The following TREM1 variants were observed in gnomAD, a reference collection of about 807,000 sequenced individuals.
TREM1 encodes the protein triggering receptor expressed on monocytes 1.
Under a neutral mutation model 22.4 loss-of-function variants are expected in TREM1, and 16 were observed. That is an observed-to-expected ratio of 0.71 (90% CI 0.48 to 1.08). TREM1 has a LOEUF of 1.08. TREM1 is among the 50% of genes least tolerant of loss of function. The pLI is 0.00. For synonymous variants in TREM1, 110 were observed against 111.6 expected, an observed-to-expected ratio of 0.99 and a Z score of 0.09; for missense variants, 283 against 282.9, an observed-to-expected ratio of 1.00 and a Z score of 0.00.
At position 41,280,155 on chromosome 6, in the gene TREM1, G is replaced by A. The variant is rs1334393572; in HGVS notation, c.599+806C>T. Reference sequence around the variant, plus strand: ...GTATAAACATGAATAAAGACTAGAAGAGAATATGAGAAAAAAGACATGTTA... The same window carrying A: ...GTATAAACATGAATAAAGACTAGAAAAGAATATGAGAAAAAAGACATGTTA... On this transcript the variant is annotated intron_variant, in intron 3 of 3. Coordinates refer to ENST00000244709, the MANE Select transcript of TREM1 (RefSeq NM_018643.5). The A allele has an allele frequency of 4.3e-6, 4 of 940,852 alleles. No individual in the cohort carries two copies. The African/African-American group carries it at 5.4e-5, about 13-fold the overall frequency. 58.3% of individuals were successfully genotyped at this position (940,852 alleles called of 1,614,324 possible). A position where few individuals can be genotyped will look rare whatever the true frequency, so the allele number is the denominator to read the frequency against.
downstream of TREM1, among the ~76,000 whole-genome samples, chr6:41,271,460 T>C (rs1767477903): frequency 6.6e-6 from 1 of 152,198 alleles, no homozygotes; most frequent in Admixed American, 6.5e-5. Flanking sequence ...CACATTCCCT[T>C]CTGTGCCCTG....
downstream of TREM1, among the ~76,000 whole-genome samples, chr6:41,272,169 G>GGCA (rs1317175687): frequency 6.6e-6 from 1 of 152,064 alleles, no homozygotes; most frequent in Non-Finnish European, 1.5e-5. Flanking sequence ...GAAAAAGAGA[G>GGCA]GCAGGCTGGC....
At chr6:41,282,340 C>A in intron 2 of TREM1, 55 bp downstream of exon 2, 1 of 1,395,926 alleles carries the variant, frequency 7.2e-7, no homozygotes, top group South Asian at 1.3e-5. Flanking sequence ...ATGCTACCAC[C>A]ACTGCCCCTT....
At position 41,280,990 on chromosome 6, in the gene TREM1, G is replaced by A; in HGVS notation, c.570C>T (p.Ile190=). Residue 190 remains isoleucine, a synonymous_variant, in exon 3 of 4, where the codon ATC becomes ATT. Transcript: ENST00000244709. The part of the protein sequence containing the change: ...TADVSTPDSE[I]NLTNVTDIIR... ...TGATATCTGTCACATTTGTAAGGTT[G>A]ATTTCAGAGTCAGGAGTGGAGACAT... 3 of 1,614,236 alleles carry A rather than the reference G, an allele frequency of 1.9e-6. No homozygotes were observed. The highest frequency in any genetic ancestry group is 2.5e-6 in the Non-Finnish European group (3 of 1,180,044).
rs960846986 is a variant in TREM1, at chr6:41,273,644, G to T, written c.*2481C>A. 6.6e-6 allele frequency among the ~76,000 whole-genome samples: 1 copy of T among 152,230 alleles called. No homozygotes were observed. Among genetic ancestry groups the T allele is most frequent in the Non-Finnish European group, 1.5e-5 (1 of 68,048 alleles). On this transcript the variant is annotated 3_prime_UTR_variant, in exon 4 of 4. Transcript: ENST00000244709. ...GGAGCATTTAATAAACATGTGCATAGAATTTAGGGAATCCAGTAAGGGGTG... is the reference window on the plus strand; with the variant it reads ...GGAGCATTTAATAAACATGTGCATATAATTTAGGGAATCCAGTAAGGGGTG...
downstream of TREM1, among the ~76,000 whole-genome samples, chr6:41,271,369 C>T (rs181569111): frequency 5.9e-3 from 905 of 152,310 alleles, 7 homozygotes; most frequent in Non-Finnish European, 8.8e-3. Flanking sequence ...AGAAACCTTA[C>T]TCAAGGTCAC....
chr6:41,281,479 G>T, intron 2 of TREM1: 1 of 317,756 alleles, frequency 3.1e-6, no homozygotes, highest in Non-Finnish European at 5.9e-6. Context: ...AAATGAACTT[G>T]CCTTCTGTTC....
chr6:41,277,213 C>T lies in TREM1; in HGVS notation c.600-983G>A, dbSNP rs536962052. 1.1e-3 allele frequency among the ~76,000 whole-genome samples: 164 copies of T among 152,206 alleles called. 1 individual carries two copies. Among genetic ancestry groups the T allele is most frequent in the African/African-American group, 2.4e-3 (99 of 41,522 alleles). On this transcript the variant is annotated intron_variant, in intron 3 of 3. Coordinates refer to ENST00000244709, the MANE Select transcript of TREM1 (RefSeq NM_018643.5). ...ATGCACAAACTAGCAAAGAGGGAAA[C>T]GGCGTAAAGGAGCTAGAAAGCAGAA...
chr6:41,280,151 A>G, intron 3 of TREM1: 2 of 940,152 alleles, frequency 2.1e-6, no homozygotes, highest in South Asian at 9.8e-5. Flanking sequence ...AATAAAGACT[A>G]GAAGAGAATA....
rs1554147912 is a variant in TREM1, at chr6:41,283,715, A to ACACACAC, written c.50-965_50-964insGTGTGTG. ...CCACAGGGCAAGACTCTGTTAAAAA[A>ACACACAC]AAAAACACACACACACACACACACA... On this transcript the variant is annotated intron_variant, in intron 1 of 3. Transcript: ENST00000244709. 9.7e-5 allele frequency among the ~76,000 whole-genome samples: 13 copies of ACACACAC among 134,652 alleles called. No individual in the cohort carries two copies. In the South Asian group the frequency reaches 2.8e-3, roughly 29 times the overall value. 88.3% of individuals were successfully genotyped at this position (134,652 alleles called of 152,430 possible).
chr6:41,280,057 G>A (rs975691963), intron 3 of TREM1: 1 of 966,764 alleles, frequency 1.0e-6, no homozygotes, highest in African/African-American at 1.8e-5. Flanking sequence ...TTAGGTAGCA[G>A]CATCAAAGAA....
At chr6:41,271,288 T>C (rs1290252453), downstream of TREM1, among the ~76,000 whole-genome samples, 1 of 152,218 alleles carries the variant, frequency 6.6e-6, no homozygotes, top group Non-Finnish European at 1.5e-5. Flanking sequence ...ACTGTTTAAT[T>C]CTTAAGACAA....
At chr6:41,282,810 G>A (rs1445995954) in intron 1 of TREM1, 59 bp from the exon 2 acceptor site, 7 of 1,446,024 alleles carry the variant, frequency 4.8e-6, no homozygotes, top group Non-Finnish European at 6.6e-6. Flanking sequence ...CTCTGAGTGG[G>A]GAAAAAGGAG....
At chr6:41,276,952 G>T (rs934215078) in intron 3 of TREM1, among the ~76,000 whole-genome samples, 1 of 152,088 alleles carries the variant, frequency 6.6e-6, no homozygotes, top group Admixed American at 6.6e-5. Flanking sequence ...GAGGCAGGAG[G>T]ATCATTTAGT....
At position 41,282,769 on chromosome 6, in the gene TREM1, G is replaced by C. The variant is rs768741542; in HGVS notation, c.50-18C>G. 1.3e-5 allele frequency: 20 copies of C among 1,591,600 alleles called. No individual in the cohort carries two copies. Among genetic ancestry groups the C allele is most frequent in the Admixed American group, 1.7e-5 (1 of 58,562 alleles). On this transcript the variant is annotated intron_variant, in intron 1 of 3. Coordinates refer to ENST00000244709, the MANE Select transcript of TREM1 (RefSeq NM_018643.5). ...TCGGAGTTCTATAAGCAGGGAAAGA[G>C]AATGGGTTCTGTGAGGAATTATTTT...
downstream of TREM1, among the ~76,000 whole-genome samples, chr6:41,270,760 G>T (rs1460881192): frequency 6.6e-6 from 1 of 152,074 alleles, no homozygotes; most frequent in African/African-American, 2.4e-5. Flanking sequence ...ACACAGGCTG[G>T]AGTGCAGTGG....
At position 41,275,908 on chromosome 6, in the gene TREM1, G is replaced by A. The variant is rs1767645049; in HGVS notation, c.*217C>T. 4 of 575,030 alleles carry A rather than the reference G, an allele frequency of 7.0e-6. No homozygotes were observed. The highest frequency in any genetic ancestry group is 1.2e-5 in the Non-Finnish European group (4 of 321,316). The allele number at this position is 575,030 out of a possible 1,614,324, so 35.6% of individuals were successfully genotyped here. On this transcript the variant is annotated 3_prime_UTR_variant, in exon 4 of 4. Coordinates refer to ENST00000244709, the MANE Select transcript of TREM1 (RefSeq NM_018643.5). ...TGAAGGACCAAGCATGTTTGGGGCT[G>A]TAACTTCTTTTCTGAGGCACAAATG... is the stretch of plus-strand genomic sequence containing the variant.
At chr6:41,276,330 T>G in intron 3 of TREM1, 100 bp from the exon 4 acceptor site, 1 of 832,728 alleles carries the variant, frequency 1.2e-6, no homozygotes, top group Non-Finnish European at 2.0e-6. Flanking sequence ...CTCCTCTGCT[T>G]AGATCCTTGC....
intron 3 of TREM1, chr6:41,279,506 A>G (rs763718334): frequency 3.5e-4 from 346 of 983,480 alleles, no homozygotes; most frequent in Non-Finnish European, 4.1e-4. Flanking sequence ...TGCAAAATGA[A>G]AGTAGAGGAA....
Sources: allele counts gnomAD v4.1 joint callset (sites outside exome capture counted in the v4.1 genomes callset), GRCh38; gene constraint gnomAD v4.1.1; transcripts MANE v1.5; gene names NCBI Gene and HGNC (gene_info 2026-07-23, HGNC 2026-07-21).